The following GRM8 variants were observed in gnomAD, a reference collection of about 807,000 sequenced individuals.
GRM8 encodes metabotropic glutamate receptor 8.
In GRM8, 47 loss-of-function variants were observed where a neutral mutation model predicts 87.2. The ratio of observed to expected loss-of-function variants is 0.54; its 90% CI spans 0.43 to 0.69. The LOEUF is 0.69. Ranked by LOEUF, GRM8 falls within the 30% of genes least tolerant of loss-of-function variation. GRM8 has a pLI of 0.00. For missense variants in GRM8, 1,019 were observed against 1,139.2 expected (o/e 0.89, Z 1.52); for synonymous variants, 396 against 404.5 (o/e 0.98, Z 0.25).
At chr7:126,583,220 G>A (rs1795775815) in intron 8 of GRM8, among the ~76,000 whole-genome samples, 1 of 151,898 alleles carries the variant, frequency 6.6e-6, no homozygotes, top group Non-Finnish European at 1.5e-5. Context: ...GCTGAGTGTG[G>A]TCATGCGCGC....
At chr7:126,671,029 G>A (rs77156607) in intron 7 of GRM8, among the ~76,000 whole-genome samples, 2,725 of 152,260 alleles carry the variant, frequency 0.018, 98 homozygotes, top group African/African-American at 0.062. Flanking sequence ...ATTAGAGAAC[G>A]TAGTTATTTT....
chr7:126,776,530 A>G (rs1188420490), intron 6 of GRM8, among the ~76,000 whole-genome samples: 1 of 152,204 alleles, frequency 6.6e-6, no homozygotes, highest in East Asian at 1.9e-4. Flanking sequence ...CAGAGTATAG[A>G]CTTTATATAG....
intron 7 of GRM8, among the ~76,000 whole-genome samples, chr7:126,758,471 C>CT (rs1219271632): frequency 5.3e-5 from 8 of 152,198 alleles, no homozygotes; most frequent in Non-Finnish European, 1.0e-4. Flanking sequence ...TCTTACTACT[C>CT]TCTCGGTTAC....
chr7:126,688,451 T>A (rs1808410026), intron 7 of GRM8, among the ~76,000 whole-genome samples: 1 of 152,100 alleles, frequency 6.6e-6, no homozygotes, highest in African/African-American at 2.4e-5. Flanking sequence ...TAAGTATAAT[T>A]AAGGAAAGGT....
In GRM8 at chr7:126,618,765, A is replaced by G. The variant is rs7783579; in HGVS notation, c.1358-9267T>C. On this transcript the variant is annotated intron_variant, in intron 7 of 10. Transcript: ENST00000339582. ...AGACATTTATGCAGCCAACAGACAC[A>G]TGAAAAAATGCTCATCATCACTGGC... Among the ~76,000 whole-genome samples the G allele has an allele frequency of 3.0e-4, 45 of 152,242 alleles. 1 individual carries two copies. Among genetic ancestry groups the G allele is most frequent in the African/African-American group, 1.1e-3 (44 of 41,466 alleles).
chr7:127,056,532 G>A (rs986324785), intron 3 of GRM8, among the ~76,000 whole-genome samples: 2 of 152,160 alleles, frequency 1.3e-5, no homozygotes, highest in African/African-American at 4.8e-5. Flanking sequence ...GGGCCCCACA[G>A]ATTATGCAGG....
At chr7:126,579,551 G>A (rs934175498) in intron 8 of GRM8, among the ~76,000 whole-genome samples, 10 of 152,178 alleles carry the variant, frequency 6.6e-5, no homozygotes, top group Non-Finnish European at 1.2e-4. Flanking sequence ...GACCTGACAA[G>A]TAGGCTTTGC....
At chr7:126,523,244 CTT>C (rs747777082) in intron 9 of GRM8, among the ~76,000 whole-genome samples, 27 of 152,186 alleles carry the variant, frequency 1.8e-4, no homozygotes, top group South Asian at 4.1e-4. Context: ...AAAAGTTTTT[CTT>C]GAGACTTTCA....
intron 7 of GRM8, among the ~76,000 whole-genome samples, chr7:126,705,516 G>A (rs1355349919): frequency 1.3e-5 from 2 of 152,102 alleles, no homozygotes; most frequent in African/African-American, 2.4e-5. Context: ...AGATCTATGT[G>A]TGGACAAGCC....
chr7:127,206,858 T>A (rs1795944456), intron 2 of GRM8, among the ~76,000 whole-genome samples: 1 of 152,202 alleles, frequency 6.6e-6, no homozygotes, highest in African/African-American at 2.4e-5. Flanking sequence ...TTTTCCTTAA[T>A]TATCAGCCAG....
chr7:127,095,014 T>G (rs961133462), intron 3 of GRM8, among the ~76,000 whole-genome samples: 4 of 152,160 alleles, frequency 2.6e-5, no homozygotes, highest in African/African-American at 9.7e-5. Flanking sequence ...AATGGCTTCA[T>G]GCATAGTCAA....
At chr7:126,926,179 A>C (rs1805095985) in intron 3 of GRM8, among the ~76,000 whole-genome samples, 1 of 152,168 alleles carries the variant, frequency 6.6e-6, no homozygotes, top group Non-Finnish European at 1.5e-5. Context: ...ATATTTTAAG[A>C]TTATTAGTGT....
chr7:126,892,599 A>G (rs562131077), intron 6 of GRM8, among the ~76,000 whole-genome samples: 1 of 152,196 alleles, frequency 6.6e-6, no homozygotes, highest in Non-Finnish European at 1.5e-5. Context: ...ATAAACATAC[A>G]TGTGCGTGTG....
intron 3 of GRM8, chr7:126,981,643 C>T (rs1396803173): frequency 6.6e-6 from 1 of 152,196 alleles, no homozygotes; most frequent in East Asian, 1.9e-4. Flanking sequence ...CTTAAAGTCC[C>T]TACTTCTCAA....
intron 2 of GRM8, among the ~76,000 whole-genome samples, chr7:127,156,688 G>A (rs146764027): frequency 6.6e-6 from 1 of 152,286 alleles, no homozygotes; most frequent in African/African-American, 2.4e-5. Context: ...CAGTCATGAT[G>A]AGAGGCAATA....
In GRM8 at chr7:127,106,728, T is replaced by C. The variant is rs367593368; in HGVS notation, c.511-16A>G. On this transcript the variant is annotated splice_polypyrimidine_tract_variant and intron_variant, in intron 2 of 10. Coordinates refer to ENST00000339582, the MANE Select transcript of GRM8 (RefSeq NM_000845.3). Reference sequence around the variant, plus strand: ...TTTGAGGTATCTGCAAAACAAATGATGGGTCATTTCAACCCATGACGAATC... The same window carrying C: ...TTTGAGGTATCTGCAAAACAAATGACGGGTCATTTCAACCCATGACGAATC... 4 of 1,534,836 alleles carry C rather than the reference T, an allele frequency of 2.6e-6. No homozygotes were observed. The African/African-American group carries it at 5.5e-5, about 21-fold the overall frequency.
At chr7:127,216,517 C>CA (rs58730624) in intron 2 of GRM8, among the ~76,000 whole-genome samples, 3,330 of 62,016 alleles carry the variant, frequency 0.054, 165 homozygotes, top group African/African-American at 0.091. Flanking sequence ...GACTCCGTCT[C>CA]AAAAAAAAAA....
intron 6 of GRM8, among the ~76,000 whole-genome samples, chr7:126,829,244 T>G (rs1157603535): frequency 1.4e-5 from 2 of 146,676 alleles, no homozygotes; most frequent in Non-Finnish European, 3.0e-5. Flanking sequence ...TGAGTTCAAT[T>G]CCTGGGTATC....
At chr7:127,005,826 C>T (rs564426746) in intron 3 of GRM8, among the ~76,000 whole-genome samples, 13 of 151,954 alleles carry the variant, frequency 8.6e-5, no homozygotes, top group African/African-American at 2.9e-4. Flanking sequence ...GAAAAACATT[C>T]ATTTGAATTA....
Sources: gnomAD v4.1 joint callset for allele counts (sites outside exome capture counted in the v4.1 genomes callset) on GRCh38, gnomAD v4.1.1 for gene constraint, MANE v1.5 for transcripts, NCBI Gene and HGNC (gene_info 2026-07-23, HGNC 2026-07-21) for gene names.